Variants in ZNF860 observed in about 807,000 individuals in gnomAD.
The protein encoded by ZNF860 is zinc finger protein 860.
For missense variants in ZNF860, 641 were observed against 759.2 expected, an observed-to-expected ratio of 0.84 and a Z score of 1.83; for synonymous variants, 206 against 248.9, an observed-to-expected ratio of 0.83 and a Z score of 1.62.
At chr3:31,994,478 G>A (rs943391361), downstream of ZNF860, among the ~76,000 whole-genome samples, 4 of 150,566 alleles carry the variant, frequency 2.7e-5, no homozygotes, top group Non-Finnish European at 5.9e-5. Context: ...AGTTCCCTAT[G>A]TCAGGGAAAA....
At chr3:31,998,936 GT>G in the ZNF860 span, among the ~76,000 whole-genome samples, 1 of 152,196 alleles carries the variant, frequency 6.6e-6, no homozygotes, top group African/African-American at 2.4e-5. Flanking sequence ...TTTAGTATAA[GT>G]GGATATTTAA....
chr3:31,985,997 A>C (rs1015078512), intron 1 of ZNF860, among the ~76,000 whole-genome samples: 2 of 152,184 alleles, frequency 1.3e-5, no homozygotes, highest in African/African-American at 2.4e-5. Flanking sequence ...ACTGAGCGTG[A>C]GTTCTTAGCC....
intron 1 of ZNF860, among the ~76,000 whole-genome samples, chr3:31,982,143 GAA>G (rs1319465463): frequency 1.3e-5 from 2 of 152,164 alleles, no homozygotes; most frequent in African/African-American, 4.8e-5. Flanking sequence ...CAGAGGCTCT[GAA>G]ACCGGGAAAA....
At chr3:31,983,704 A>G (rs1225862923) in intron 1 of ZNF860, among the ~76,000 whole-genome samples, 1 of 152,216 alleles carries the variant, frequency 6.6e-6, no homozygotes, top group Non-Finnish European at 1.5e-5. Flanking sequence ...GTTATGGATT[A>G]CAAGTCACTT....
At chr3:31,995,406 C>A (rs1225636164), downstream of ZNF860, among the ~76,000 whole-genome samples, 4 of 152,160 alleles carry the variant, frequency 2.6e-5, no homozygotes, top group African/African-American at 9.7e-5. Context: ...GCGATATCTT[C>A]CCTATTTGCA....
In ZNF860 at chr3:31,990,897, T is replaced by C. The variant is rs1476284679; in HGVS notation, c.1818T>C (p.His606=). The C allele has an allele frequency of 1.9e-6, 3 of 1,575,272 alleles. No homozygotes were observed. Among genetic ancestry groups the C allele is most frequent in the African/African-American group, 1.4e-5 (1 of 73,856 alleles). Residue 606 remains histidine, a synonymous_variant, in exon 2 of 2, where the codon CAT becomes CAC. Coordinates refer to ENST00000360311, the MANE Select transcript of ZNF860 (RefSeq NM_001137674.3). ...CDDCGKAFTS[H]SHRIRHQRIH... Reference sequence around the variant, plus strand: ...ATTGTGGCAAAGCCTTTACTTCACATTCACATCGCATTAGACATCAGAGAA... The same window carrying C: ...ATTGTGGCAAAGCCTTTACTTCACACTCACATCGCATTAGACATCAGAGAA...
In ZNF860 at chr3:31,991,166, C is replaced by G. The variant is rs1397777587; in HGVS notation, c.*188C>G. The G allele has an allele frequency of 1.5e-6, 1 of 669,004 alleles. No individual in the cohort carries two copies. Among genetic ancestry groups the G allele is most frequent in the African/African-American group, 1.8e-5 (1 of 54,598 alleles). 41.4% of individuals were successfully genotyped at this position (669,004 alleles called of 1,614,324 possible). On this transcript the variant is annotated 3_prime_UTR_variant, in exon 2 of 2. Coordinates refer to ENST00000360311, the MANE Select transcript of ZNF860 (RefSeq NM_001137674.3). The stretch of plus-strand genomic sequence containing the variant: ...AAGTGTTTACGTTAAGAGGATTGGG[C>G]TGGGCAGGGTGGCTTATACCTGTAA...
chr3:32,001,997 C>A, the ZNF860 span, among the ~76,000 whole-genome samples: 3 of 152,144 alleles, frequency 2.0e-5, no homozygotes, highest in Non-Finnish European at 4.4e-5. Context: ...GTAAGACATT[C>A]ATTTTGCTCA....
downstream of ZNF860, among the ~76,000 whole-genome samples, chr3:31,992,145 CA>C (rs527764918): frequency 0.02 from 1,292 of 65,508 alleles, 16 homozygotes; most frequent in African/African-American, 0.051. Flanking sequence ...GACTCCATCT[CA>C]AAAAAAAAAA....
the ZNF860 span, among the ~76,000 whole-genome samples, chr3:31,998,343 T>C: frequency 6.6e-6 from 1 of 152,194 alleles, no homozygotes; most frequent in African/African-American, 2.4e-5. Flanking sequence ...ACTCACCCTT[T>C]GAATGAAAAC....
At chr3:31,984,010 C>T (rs1698898565) in intron 1 of ZNF860, among the ~76,000 whole-genome samples, 1 of 151,616 alleles carries the variant, frequency 6.6e-6, no homozygotes, top group Non-Finnish European at 1.5e-5. Context: ...CCTGAAAATT[C>T]AGAGCCTAAG....
chr3:31,990,049 A>C lies in ZNF860; in HGVS notation c.970A>C (p.Ser324Arg). 6.2e-7 allele frequency: 1 copy of C among 1,614,092 alleles called. No homozygotes were observed. Among genetic ancestry groups the C allele is most frequent in the Non-Finnish European group, 8.5e-7 (1 of 1,179,970 alleles). Residue 324 changes from serine to arginine, a missense_variant, in exon 2 of 2, where the codon AGT becomes CGT. Coordinates refer to ENST00000360311, the MANE Select transcript of ZNF860 (RefSeq NM_001137674.3). ...ATGTGAAGAATGTGACAAAGTTTTT[A>C]GTCGCAAATCAAATCTTGAAAGACA... The part of the protein sequence containing the change: ...YKCEECDKVF[S>R]RKSNLERHRR...
downstream of ZNF860, among the ~76,000 whole-genome samples, chr3:31,994,041 C>A (rs908233413): frequency 5.3e-5 from 8 of 152,232 alleles, no homozygotes; most frequent in East Asian, 1.5e-3. Flanking sequence ...AATGAGTACT[C>A]AGCAATAAAT....
chr3:32,000,937 G>A, the ZNF860 span, among the ~76,000 whole-genome samples: 2 of 152,300 alleles, frequency 1.3e-5, no homozygotes, highest in Non-Finnish European at 2.9e-5. Flanking sequence ...CTGGAATGAA[G>A]AAAAGACTGT....
At chr3:31,995,299 A>G (rs1699079610), downstream of ZNF860, among the ~76,000 whole-genome samples, 1 of 152,200 alleles carries the variant, frequency 6.6e-6, no homozygotes, top group South Asian at 2.1e-4. Flanking sequence ...TCAACCACAT[A>G]GGACAGACAT....
chr3:31,995,865 T>C (rs553555774), downstream of ZNF860, among the ~76,000 whole-genome samples: 45 of 152,282 alleles, frequency 3.0e-4, no homozygotes, highest in African/African-American at 1.1e-3. Flanking sequence ...GACATGCAGT[T>C]AGTGTGATCA....
chr3:31,997,171 T>C, the ZNF860 span, among the ~76,000 whole-genome samples: 3 of 152,322 alleles, frequency 2.0e-5, no homozygotes, highest in East Asian at 5.8e-4. Context: ...CCGATTTATG[T>C]GCACAGCAGA....
chr3:32,001,423 C>T, the ZNF860 span, among the ~76,000 whole-genome samples: 3 of 152,094 alleles, frequency 2.0e-5, no homozygotes, highest in African/African-American at 7.2e-5. Context: ...AAGCATTTTA[C>T]ATCTATTATT....
the ZNF860 span, among the ~76,000 whole-genome samples, chr3:31,996,766 G>A: frequency 7.2e-5 from 11 of 152,046 alleles, no homozygotes; most frequent in Non-Finnish European, 8.8e-5. Context: ...AAAAGATCCC[G>A]CTATCAACTC....
Sources: allele counts gnomAD v4.1 joint callset (sites outside exome capture counted in the v4.1 genomes callset), GRCh38; gene constraint gnomAD v4.1.1; transcripts MANE v1.5; gene names NCBI Gene and HGNC (gene_info 2026-07-23, HGNC 2026-07-21).